The following PPP1R27 variants were observed in gnomAD, a reference collection of about 807,000 sequenced individuals.
PPP1R27 encodes dysferlin interacting protein 1.
A neutral mutation model predicts 12.0 loss-of-function variants in PPP1R27; 10 were observed. That is an observed-to-expected ratio of 0.84 (90% CI 0.52 to 1.42). PPP1R27 has a LOEUF of 1.42. Ranked by LOEUF, PPP1R27 falls within the 40% of genes most tolerant of loss-of-function variation. The pLI, the probability that PPP1R27 is intolerant of heterozygous loss-of-function variation, is 0.00. For synonymous variants in PPP1R27, 98 were observed against 89.3 expected, an observed-to-expected ratio of 1.10 and a Z score of -0.55; for missense variants, 246 against 215.3, an observed-to-expected ratio of 1.14 and a Z score of -0.89.
rs369362796 is a variant in PPP1R27 at position 81,833,694 on chromosome 17, G to A, written c.*35C>T. 8.5e-4 allele frequency: 1,301 copies of A among 1,539,530 alleles called. 15 individuals carry two copies. In the South Asian group the frequency reaches 0.015, roughly 17 times the overall value. On this transcript the variant is annotated 3_prime_UTR_variant, in exon 3 of 3. Transcript: ENST00000330261. ...CGACGCGCGGCTTCTCCAGGGAGGCGGCCCTGGGCGCGGGGGCGGGCGGGC... is the reference window on the plus strand; with the variant it reads ...CGACGCGCGGCTTCTCCAGGGAGGCAGCCCTGGGCGCGGGGGCGGGCGGGC...
rs2038576006 is a variant in PPP1R27, at chr17:81,833,828, G to C, written c.366C>G (p.Asp122Glu). The change falls in exon 3 of 3, where the codon GAC (aspartate) becomes GAG (glutamate). Residue 122 changes from aspartate (D) to glutamate (E), a missense_variant. Coordinates refer to ENST00000330261, the MANE Select transcript of PPP1R27 (RefSeq NM_001007533.4). ...IARYLISLGA[D>E]RDATNDDGDL... ...CGCCATCGTCGTTGGTTGCATCCCT[G>C]TCCGCTCCCAGGGAGATAAGGTACC... 6.3e-7 allele frequency: 1 copy of C among 1,587,178 alleles called. No homozygotes were observed. The highest frequency in any genetic ancestry group is 8.6e-7 in the Non-Finnish European group (1 of 1,166,736).
rs35031019 is a variant in PPP1R27 at position 81,833,721 on chromosome 17, A to G, written c.*8T>C. 320,597 of 1,547,072 alleles carry G rather than the reference A, an allele frequency of 0.21. 35,671 individuals are homozygous for G. Among genetic ancestry groups the G allele is most frequent in the African/African-American group, 0.38 (27,736 of 73,008 alleles). ...CCCTGGGCGCGGGGGCGGGCGGGCA[A>G]AGCTGGCTCAGTCCATCGTGGTCCC... is the stretch of plus-strand genomic sequence containing the variant. On this transcript the variant is annotated 3_prime_UTR_variant, in exon 3 of 3. Coordinates refer to ENST00000330261, the MANE Select transcript of PPP1R27 (RefSeq NM_001007533.4).
At chr17:81,834,379 C>A (rs1023498895) in intron 2 of PPP1R27, 124 bp downstream of exon 2, 5 of 1,121,604 alleles carry the variant, frequency 4.5e-6, no homozygotes, top group Non-Finnish European at 6.3e-6. Context: ...CGTGAGCCAC[C>A]GCCCCCAGCC....
intron 2 of PPP1R27, 50 bp downstream of exon 2, chr17:81,834,453 A>G: frequency 1.3e-6 from 2 of 1,588,458 alleles, no homozygotes; most frequent in Non-Finnish European, 1.7e-6. Flanking sequence ...GGACCCACTG[A>G]GGCCCGGAGG....
intron 1 of PPP1R27, 28 bp from the exon 2 acceptor site, chr17:81,834,681 G>T (rs1284947293): frequency 6.2e-7 from 1 of 1,613,394 alleles, no homozygotes; most frequent in Admixed American, 1.7e-5. Flanking sequence ...GAGGGGTCAA[G>T]ACTGAGCCCC....
chr17:81,834,109 TTTTTG>T, intron 2 of PPP1R27: 1 of 483,172 alleles, frequency 2.1e-6, no homozygotes, highest in East Asian at 3.4e-5. Flanking sequence ...TTTTTTGTTT[TTTTTG>T]TTTTTTGAGA....
chr17:81,834,554 C>T lies in PPP1R27; in HGVS notation c.290G>A (p.Gly97Asp), dbSNP rs1462316071. The T allele has an allele frequency of 3.1e-6, 5 of 1,614,184 alleles. No homozygotes were observed. The highest frequency in any genetic ancestry group is 3.4e-6 in the Non-Finnish European group (4 of 1,180,032). ...GCAGGCAATGTGCAGGGGTGTCCAG[C>T]CCGCCTCATCTCGCTGGTGAATGTC... ...GADIHQRDEAGWTPLHIACSD... is the reference protein window; with the variant it reads ...GADIHQRDEADWTPLHIACSD... Residue 97 changes from glycine (G) to aspartate (D), a missense_variant, in exon 2 of 3, where the codon GGC (glycine) becomes GAC (aspartate). Gly to Asp is a moderately conservative substitution (Grantham distance 94). Transcript: ENST00000330261.
chr17:81,834,623 G>C lies in PPP1R27; in HGVS notation c.221C>G (p.Ser74Cys). The change falls in exon 2 of 3, where the codon TCT (serine) becomes TGT (cysteine). Residue 74 changes from serine (S) to cysteine (C), a missense_variant. By Grantham distance (112) the Ser-to-Cys change is moderately radical (BLOSUM62 -1). Transcript: ENST00000330261. Reference sequence around the variant, plus strand: ...CAGCTTCACGCATTCCAGGTTTCCAGAGAGCACGGCTTCATGCAAGGCGGC... The same window carrying C: ...CAGCTTCACGCATTCCAGGTTTCCACAGAGCACGGCTTCATGCAAGGCGGC... Reference protein sequence around the residue: ...GLAALHEAVLSGNLECVKLLV... With the variant: ...GLAALHEAVLCGNLECVKLLV... 6.2e-7 allele frequency: 1 copy of C among 1,614,194 alleles called. No individual in the cohort carries two copies. The highest frequency in any genetic ancestry group is 8.5e-7 in the Non-Finnish European group (1 of 1,180,028).
Position 81,833,777 on chromosome 17 carries a change from C to T in PPP1R27, c.417G>A (p.Pro139=), listed in dbSNP as rs1265059835. ...AGAGCTCCACCAGCTCCTTGTAGTCCGGGTCGATGAGGTCGGAGGGCAGGT... is the reference window on the plus strand; with the variant it reads ...AGAGCTCCACCAGCTCCTTGTAGTCTGGGTCGATGAGGTCGGAGGGCAGGT... ...DGDLPSDLID[P]DYKELVELFK... The change falls in exon 3 of 3, where the codon CCG becomes CCA. Residue 139 remains proline, a synonymous_variant. Transcript: ENST00000330261. The T allele has an allele frequency of 9.6e-6, 15 of 1,556,768 alleles. No homozygotes were observed. The highest frequency in any genetic ancestry group is 1.4e-5 in the African/African-American group (1 of 73,354).
Position 81,834,899 on chromosome 17 carries a change from G to A in PPP1R27, c.55C>T (p.Arg19Trp), listed in dbSNP as rs776322601. Reference protein sequence around the residue: ...ARYSPRQRRRRMLADRSVRFP... With the variant: ...ARYSPRQRRRWMLADRSVRFP... ...CGCACGCTGCGATCAGCCAGCATCC[G>A]CCGCCGCCGCTGCCGTGGGCTGTAG... Residue 19 changes from arginine (R) to tryptophan (W), a missense_variant, in exon 1 of 3, where the codon CGG becomes TGG. Arg to Trp is a moderately radical substitution (Grantham distance 101). Coordinates refer to ENST00000330261, the MANE Select transcript of PPP1R27 (RefSeq NM_001007533.4). The A allele has an allele frequency of 1.8e-5, 29 of 1,610,570 alleles. No individual in the cohort carries two copies. In the South Asian group the frequency reaches 2.2e-4, roughly 12 times the overall value.
In PPP1R27 at chr17:81,833,804, G is replaced by C; in HGVS notation, c.390C>G (p.Gly130=). The C allele has an allele frequency of 6.4e-7, 1 of 1,571,296 alleles. No individual in the cohort carries two copies. Among genetic ancestry groups the C allele is most frequent in the Non-Finnish European group, 8.6e-7 (1 of 1,158,094 alleles). ...GGTCGATGAGGTCGGAGGGCAGGTC[G>C]CCATCGTCGTTGGTTGCATCCCTGT... ...GADRDATNDD[G]DLPSDLIDPD... is the part of the protein sequence containing the mutation. Residue 130 remains glycine, a synonymous_variant, in exon 3 of 3, where the codon GGC becomes GGG. Coordinates refer to ENST00000330261, the MANE Select transcript of PPP1R27 (RefSeq NM_001007533.4).
intron 2 of PPP1R27, 110 bp downstream of exon 2, chr17:81,834,393 A>G (rs1276372717): frequency 7.8e-7 from 1 of 1,286,414 alleles, no homozygotes; most frequent in Non-Finnish European, 1.1e-6. Context: ...CCCAGCCTCT[A>G]GGGTTCTTGC....
In PPP1R27 at chr17:81,833,851, AC is replaced by A; in HGVS notation, c.342del (p.Arg114SerfsTer88). 6.3e-7 allele frequency: 1 copy of A among 1,595,212 alleles called. No homozygotes were observed. The highest frequency in any genetic ancestry group is 8.5e-7 in the Non-Finnish European group (1 of 1,171,286). On this transcript the variant is annotated frameshift_variant and splice_region_variant, in exon 3 of 3. Coordinates refer to ENST00000330261, the MANE Select transcript of PPP1R27 (RefSeq NM_001007533.4). LOFTEE classifies it high-confidence loss of function. ...ACSDGYPDIA[R>X]YLISLGADRD... The stretch of plus-strand genomic sequence containing the variant: ...CTGTCCGCTCCCAGGGAGATAAGGT[AC>A]CTGGGGTGTAAAGGTCGCTCTGGCT...
At position 81,833,712 on chromosome 17, in the gene PPP1R27, G is replaced by T. The variant is rs761692753; in HGVS notation, c.*17C>A. 1 of 1,545,464 alleles carries T rather than the reference G, an allele frequency of 6.5e-7. No individual in the cohort carries two copies. Among genetic ancestry groups the T allele is most frequent in the Non-Finnish European group, 8.7e-7 (1 of 1,146,152 alleles). ...GGGAGGCGGCCCTGGGCGCGGGGGC[G>T]GGCGGGCAAAGCTGGCTCAGTCCAT... is the stretch of plus-strand genomic sequence containing the variant. On this transcript the variant is annotated 3_prime_UTR_variant, in exon 3 of 3. Coordinates refer to ENST00000330261, the MANE Select transcript of PPP1R27 (RefSeq NM_001007533.4).
rs1310821144 is a variant in PPP1R27 at position 81,834,844 on chromosome 17, T to C, written c.110A>G (p.His37Arg). The change falls in exon 1 of 3, where the codon CAC becomes CGC. Residue 37 changes from histidine to arginine, a missense_variant. His to Arg is a conservative substitution (Grantham distance 29). Transcript: ENST00000330261. ...RFPNDVLFLDHIRQGDLEQVG... is the reference protein window; with the variant it reads ...RFPNDVLFLDRIRQGDLEQVG... The stretch of plus-strand genomic sequence containing the variant: ...CTGCTCCAGGTCACCCTGCCGGATG[T>C]GGTCCAAGAACAGGACATCATTAGG... The C allele has an allele frequency of 6.2e-7, 1 of 1,613,582 alleles. No homozygotes were observed. Among genetic ancestry groups the C allele is most frequent in the Non-Finnish European group, 8.5e-7 (1 of 1,179,986 alleles).
Position 81,833,627 on chromosome 17 carries a change from G to A in PPP1R27, c.*102C>T, listed in dbSNP as rs1201294014. On this transcript the variant is annotated 3_prime_UTR_variant, in exon 3 of 3. Transcript: ENST00000330261. ...GCGGGGTCGTGGAGGGACGGGTCCG[G>A]CCGCCCCTGGCCCACGGGTGGGGCA... is the stretch of plus-strand genomic sequence containing the variant. 1.1e-5 allele frequency: 14 copies of A among 1,314,448 alleles called. No homozygotes were observed. Among genetic ancestry groups the A allele is most frequent in the Non-Finnish European group, 1.3e-5 (13 of 986,374 alleles). 81.4% of individuals were successfully genotyped at this position (1,314,448 alleles called of 1,614,324 possible).
chr17:81,833,776 C>G lies in PPP1R27; in HGVS notation c.418G>C (p.Asp140His). Residue 140 changes from aspartate (D) to histidine (H), a missense_variant, in exon 3 of 3, where the codon GAC becomes CAC. Coordinates refer to ENST00000330261, the MANE Select transcript of PPP1R27 (RefSeq NM_001007533.4). ...GDLPSDLIDPDYKELVELFKG... is the reference protein window; with the variant it reads ...GDLPSDLIDPHYKELVELFKG... ...AAGAGCTCCACCAGCTCCTTGTAGTCCGGGTCGATGAGGTCGGAGGGCAGG... is the reference window on the plus strand; with the variant it reads ...AAGAGCTCCACCAGCTCCTTGTAGTGCGGGTCGATGAGGTCGGAGGGCAGG... 4.5e-6 allele frequency: 7 copies of G among 1,556,568 alleles called. No individual in the cohort carries two copies. Among genetic ancestry groups the G allele is most frequent in the Admixed American group, 1.9e-5 (1 of 51,448 alleles).
chr17:81,834,416 G>C, intron 2 of PPP1R27, 87 bp downstream of exon 2: 1 of 1,489,558 alleles, frequency 6.7e-7, no homozygotes, highest in Admixed American at 1.8e-5. Flanking sequence ...ACACCACCCG[G>C]GCTACATTTT....
At position 81,833,761 on chromosome 17, in the gene PPP1R27, C is replaced by G. The variant is rs146187682; in HGVS notation, c.433G>C (p.Val145Leu). Residue 145 changes from valine to leucine, a missense_variant, in exon 3 of 3, where the codon GTG becomes CTG. Physicochemically the swap from Val to Leu is conservative, Grantham distance 32. Transcript: ENST00000330261. ...ATCGTGGTCCCTTTGAAGAGCTCCA[C>G]CAGCTCCTTGTAGTCCGGGTCGATG... The part of the protein sequence containing the change: ...DLIDPDYKEL[V>L]ELFKGTTMD The G allele has an allele frequency of 1.3e-6, 2 of 1,552,886 alleles. No homozygotes were observed. Among genetic ancestry groups the G allele is most frequent in the East Asian group, 2.4e-5 (1 of 41,144 alleles).
Sources: gnomAD v4.1 joint callset for allele counts on GRCh38, gnomAD v4.1.1 for gene constraint, MANE v1.5 for transcripts, NCBI Gene and HGNC (gene_info 2026-07-23, HGNC 2026-07-21) for gene names.